The following NTRK1 variants were observed in gnomAD, a reference collection of about 807,000 sequenced individuals.
The protein encoded by NTRK1 is neurotrophic receptor tyrosine kinase 1.
A neutral mutation model predicts 86.8 loss-of-function variants in NTRK1; 62 were observed. The observed-to-expected ratio is 0.71, with a 90% CI of 0.58 to 0.88. The LOEUF (loss-of-function observed/expected upper bound fraction) is 0.88. Ranked by LOEUF, NTRK1 falls within the 40% of genes least tolerant of loss-of-function variation. The pLI, the probability that NTRK1 is intolerant of heterozygous loss-of-function variation, is 0.00. For synonymous variants in NTRK1, 469 were observed against 456.6 expected (o/e 1.03, Z -0.35); for missense variants, 967 against 1,078.4 (o/e 0.90, Z 1.45).
At chr1:156,827,980 CT>C (rs918431089) in intron 1 of NTRK1, among the ~76,000 whole-genome samples, 8 of 151,328 alleles carry the variant, frequency 5.3e-5, no homozygotes, top group Non-Finnish European at 1.2e-4. Flanking sequence ...TTAATATATC[CT>C]TTTTTTTATT....
chr1:156,851,600 A>G (rs1481201412), intron 2 of NTRK1: 10 of 1,613,456 alleles, frequency 6.2e-6, no homozygotes, highest in Non-Finnish European at 8.5e-6. Context: ...TCTGGGAGGA[A>G]GGGTATGACC....
chr1:156,845,197 C>G, intron 2 of NTRK1: 1 of 1,609,396 alleles, frequency 6.2e-7, no homozygotes, highest in South Asian at 1.1e-5. Context: ...CGCTCAGCAC[C>G]GCTCGCTCAC....
intron 1 of NTRK1, among the ~76,000 whole-genome samples, chr1:156,820,340 G>A (rs1356859476): frequency 1.3e-5 from 2 of 152,076 alleles, no homozygotes; most frequent in African/African-American, 4.8e-5. Context: ...TCAACCTCCC[G>A]GGCTCAAGTG....
chr1:156,878,312 C>T (rs1254322239), intron 14 of NTRK1, among the ~76,000 whole-genome samples: 2 of 152,146 alleles, frequency 1.3e-5, no homozygotes, highest in Non-Finnish European at 2.9e-5. Context: ...ACTTGAGTCT[C>T]AATTTAGGTG....
rs772764828 is a variant in NTRK1 at position 156,873,739 on chromosome 1, C to T, written c.957C>T (p.Gly319=). ...PAPSLRWLFN[G]SVLNETSFIF... The stretch of plus-strand genomic sequence containing the variant: ...CGTCTCTGCGCTGGCTCTTCAATGG[C>T]TCCGTGCTCAATGAGACCAGCTTCA... Residue 319 remains glycine (G), a synonymous_variant, in exon 8 of 17, where the codon GGC becomes GGT. Transcript: ENST00000524377. The T allele has an allele frequency of 2.0e-5, 32 of 1,613,030 alleles. No homozygotes were observed. The highest frequency in any genetic ancestry group is 2.7e-5 in the Non-Finnish European group (32 of 1,179,740).
At chr1:156,871,022 C>T (rs12239574) in intron 6 of NTRK1, among the ~76,000 whole-genome samples, 13,385 of 152,144 alleles carry the variant, frequency 0.088, 1,062 homozygotes, top group African/African-American at 0.21. Flanking sequence ...CTATTTGCAC[C>T]ATCTCTTTGT....
chr1:156,822,247 T>C (rs542008571), intron 1 of NTRK1, among the ~76,000 whole-genome samples: 1 of 152,340 alleles, frequency 6.6e-6, no homozygotes, highest in South Asian at 2.1e-4. Context: ...GTGACATTCC[T>C]AGTTTCTTAC....
chr1:156,844,882 T>C, intron 2 of NTRK1: 1 of 1,611,886 alleles, frequency 6.2e-7, no homozygotes, highest in Non-Finnish European at 8.5e-7. Context: ...CCAAAAGTGG[T>C]TCATCTCACC....
chr1:156,853,743 A>C (rs1343788924), intron 2 of NTRK1: 1 of 1,590,314 alleles, frequency 6.3e-7, no homozygotes, highest in South Asian at 1.1e-5. Flanking sequence ...GTTCTGTGCC[A>C]GTGCCCACCT....
At chr1:156,866,882 C>T in intron 3 of NTRK1, 28 bp from the exon 4 acceptor site, 1 of 1,613,046 alleles carries the variant, frequency 6.2e-7, no homozygotes, top group Non-Finnish European at 8.5e-7. Context: ...CTCAAGGGGT[C>T]TGTCTTGCTG....
intron 15 of NTRK1, 53 bp from the exon 16 acceptor site, chr1:156,879,946 T>TC: frequency 6.2e-7 from 1 of 1,606,084 alleles, no homozygotes; most frequent in Non-Finnish European, 8.5e-7. Context: ...GGCTGTGCCT[T>TC]GACGGGCTGT....
chr1:156,846,130 G>C, intron 2 of NTRK1: 1 of 1,576,138 alleles, frequency 6.3e-7, no homozygotes, highest in Non-Finnish European at 8.6e-7. Flanking sequence ...CTAGGAGTGC[G>C]AGAAGGATGC....
chr1:156,849,513 G>GGGGGGGGGGGGGGGGGGC, intron 2 of NTRK1: 7 of 486,120 alleles, frequency 1.4e-5, no homozygotes, highest in East Asian at 1.1e-4. Flanking sequence ...CAGGGGGTGG[G>GGGGGGGGGGGGGGGGGGC]AAAGGGGATG....
intron 2 of NTRK1, chr1:156,843,052 C>A (rs1372971479): frequency 1.2e-6 from 2 of 1,614,188 alleles, no homozygotes; most frequent in African/African-American, 2.7e-5. Flanking sequence ...CCTTGAGGAA[C>A]TCAATGCATT....
rs768884632 is a variant in NTRK1 at position 156,868,092 on chromosome 1, C to T, written c.429-12C>T. On this transcript the variant is annotated splice_polypyrimidine_tract_variant and intron_variant, in intron 4 of 16. Coordinates refer to ENST00000524377, the MANE Select transcript of NTRK1 (RefSeq NM_002529.4). ...TTTCCTTGACTCTGTTGGTGTCCCC[C>T]ATGCCCCCCAGGGTCCTGTCGGGGA... 2 of 1,613,778 alleles carry T rather than the reference C, an allele frequency of 1.2e-6. No homozygotes were observed. Among genetic ancestry groups the T allele is most frequent in the Non-Finnish European group, 1.7e-6 (2 of 1,180,026 alleles).
In NTRK1 at chr1:156,836,693, C is replaced by T. The variant is rs145272808; in HGVS notation, c.-63-5388C>T. 4.1e-3 allele frequency among the ~76,000 whole-genome samples: 618 copies of T among 152,174 alleles called. 6 individuals are homozygous for T. Among genetic ancestry groups the T allele is most frequent in the African/African-American group, 0.013 (554 of 41,508 alleles). On this transcript the variant is annotated intron_variant, in intron 1 of 16. Coordinates refer to the NTRK1 transcript ENST00000392302. ...GCCTGCAACTCTGGGCCTGCTAAGTCGGGGAGGCCAAACCATTCAGATGTG... is the reference window on the plus strand; with the variant it reads ...GCCTGCAACTCTGGGCCTGCTAAGTTGGGGAGGCCAAACCATTCAGATGTG...
rs1033729297 is a variant in NTRK1 at position 156,854,615 on chromosome 1, G to A, written c.51-9739G>A. On this transcript the variant is annotated intron_variant, in intron 2 of 16. Transcript: ENST00000392302. This position sits in a 1 kb window ranked among gnomAD's most constrained non-coding sequence, Gnocchi z 4.2. ...CCAACGACTGCAAGCGACTCCCAGC[G>A]ACTTCATTCTTGCAGTCACCCTTAA... Among the ~76,000 whole-genome samples, 4 of 152,294 alleles carry A rather than the reference G, an allele frequency of 2.6e-5. No homozygotes were observed. The highest frequency in any genetic ancestry group is 1.9e-4 in the East Asian group (1 of 5,184).
At chr1:156,833,100 G>T (rs978012461) in intron 1 of NTRK1, among the ~76,000 whole-genome samples, 52 of 152,370 alleles carry the variant, frequency 3.4e-4, no homozygotes, top group African/African-American at 1.2e-3. Flanking sequence ...TAGGCAGCAT[G>T]ATATAGTGGA....
chr1:156,863,696 G>T (rs1038709062), intron 1 of NTRK1, among the ~76,000 whole-genome samples: 6 of 152,256 alleles, frequency 3.9e-5, no homozygotes, highest in African/African-American at 9.6e-5. Context: ...CTGTGTGTGT[G>T]TGTAGTACAG....
Sources: gnomAD v4.1 joint callset for allele counts (sites outside exome capture counted in the v4.1 genomes callset) on GRCh38, gnomAD v4.1.1 for gene constraint, Gnocchi (gnomAD v3.1) non-coding constraint, MANE v1.5 for transcripts, NCBI Gene and HGNC (gene_info 2026-07-23, HGNC 2026-07-21) for gene names.